MEST: variants seen among roughly 807,000 people sequenced by gnomAD.
MEST encodes the protein mesoderm specific transcript.
A neutral mutation model predicts 50.9 loss-of-function variants in MEST; 18 were observed. That is an observed-to-expected ratio of 0.35 (90% CI 0.24 to 0.52). The LOEUF (loss-of-function observed/expected upper bound fraction) is 0.52. Ranked by LOEUF, MEST falls within the 20% of genes least tolerant of loss-of-function variation. The probability of loss-of-function intolerance (pLI) is 0.94; values close to 1 mark genes in which losing one functional copy is unlikely to be tolerated. For missense variants in MEST, 282 were observed against 425.3 expected, an observed-to-expected ratio of 0.66 and a Z score of 2.96; for synonymous variants, 130 against 154.1, an observed-to-expected ratio of 0.84 and a Z score of 1.16.
At chr7:130,494,903 T>A (rs1798983282) in intron 1 of MEST, 1 of 909,736 alleles carries the variant, frequency 1.1e-6, no homozygotes, top group Non-Finnish European at 1.3e-6. Context: ...ACATATATAT[T>A]TTTTGAACAT....
chr7:130,500,344 C>G lies in MEST; in HGVS notation c.577-118C>G. On this transcript the variant is annotated intron_variant, in intron 7 of 11. Transcript: ENST00000223215. This position sits in a 1 kb window ranked among gnomAD's most constrained non-coding sequence, Gnocchi z 5.0. Reference sequence around the variant, plus strand: ...GTAGGCAAAACAAAATGCCAAGTACCAAACCATTCAGTAGCAGGAGATTTG... The same window carrying G: ...GTAGGCAAAACAAAATGCCAAGTACGAAACCATTCAGTAGCAGGAGATTTG... The G allele has an allele frequency of 2.4e-6, 2 of 850,672 alleles. No homozygotes were observed. The highest frequency in any genetic ancestry group is 3.7e-6 in the Non-Finnish European group (2 of 547,048). 52.7% of individuals were successfully genotyped at this position (850,672 alleles called of 1,614,324 possible).
chr7:130,494,899 A>T, intron 1 of MEST: 3 of 942,208 alleles, frequency 3.2e-6, no homozygotes, highest in Non-Finnish European at 3.8e-6. Flanking sequence ...TAGCACATAT[A>T]TATTTTTTGA....
At chr7:130,501,312 C>G (rs533796232) in intron 9 of MEST, among the ~76,000 whole-genome samples, 2 of 152,284 alleles carry the variant, frequency 1.3e-5, no homozygotes, top group African/African-American at 4.8e-5. Flanking sequence ...TGGGATAAGA[C>G]TCTGACTTCT....
Position 130,492,299 on chromosome 7 carries a change from T to C in MEST, c.-15T>C. 7.4e-7 allele frequency: 1 copy of C among 1,346,794 alleles called. No homozygotes were observed. Among genetic ancestry groups the C allele is most frequent in the Non-Finnish European group, 9.5e-7 (1 of 1,049,478 alleles). 83.4% of individuals were successfully genotyped at this position (1,346,794 alleles called of 1,614,324 possible). Reference sequence around the variant, plus strand: ...CTCTGCAACGCTGCGGCGGGCGGCATGGGATAACGCGGCCATGGTGCGCCG... The same window carrying C: ...CTCTGCAACGCTGCGGCGGGCGGCACGGGATAACGCGGCCATGGTGCGCCG... On this transcript the variant is annotated 5_prime_UTR_variant, in exon 1 of 12. The change abolishes an upstream ATG in the 5' untranslated region. Transcript: ENST00000223215. The surrounding 1 kb of genome is among the most constrained non-coding windows in gnomAD (Gnocchi z 7.6).
intron 9 of MEST, among the ~76,000 whole-genome samples, chr7:130,501,987 AAAAAAAAAAAAAG>A (rs1339882769): frequency 2.2e-5 from 1 of 45,642 alleles, no homozygotes; most frequent in Non-Finnish European, 7.9e-5. Flanking sequence ...ACTCCGTCTC[AAAAAAAAAAAAAG>A]AAAAAAAAAA....
chr7:130,495,219 A>G, intron 1 of MEST, 149 bp from the exon 2 acceptor site: 1 of 674,426 alleles, frequency 1.5e-6, no homozygotes. Flanking sequence ...GTTTGATTAT[A>G]GTCTCGGTCA....
intron 2 of MEST, chr7:130,495,778 GT>G (rs71178591): frequency 0.016 from 3,039 of 189,406 alleles, 14 homozygotes; most frequent in Middle Eastern, 0.034. Flanking sequence ...TCCAATATTA[GT>G]TTTTTTTTTT....
At chr7:130,499,045 T>C (rs1799178118) in intron 6 of MEST, among the ~76,000 whole-genome samples, 1 of 152,238 alleles carries the variant, frequency 6.6e-6, no homozygotes, top group Non-Finnish European at 1.5e-5. Context: ...AAGGATGTTA[T>C]TCAAGGACCT....
intron 6 of MEST, chr7:130,498,790 C>G: frequency 2.2e-6 from 1 of 444,490 alleles, no homozygotes; most frequent in East Asian, 4.5e-5. Flanking sequence ...AGTGGAGGAC[C>G]TAGTAACAGC....
In MEST at chr7:130,497,878, G is replaced by C; in HGVS notation, c.262-58G>C. On this transcript the variant is annotated intron_variant, in intron 3 of 11. Coordinates refer to ENST00000223215, the MANE Select transcript of MEST (RefSeq NM_002402.4). This position sits in a 1 kb window ranked among gnomAD's most constrained non-coding sequence, Gnocchi z 4.0. ...GGCTGAAGCTCCTGTGCAACTGTAG[G>C]TCTGGTGAAAGGGAGGGGCAGGAGC... is the stretch of plus-strand genomic sequence containing the variant. The C allele has an allele frequency of 8.6e-6, 13 of 1,507,670 alleles. No homozygotes were observed. Among genetic ancestry groups the C allele is most frequent in the Non-Finnish European group, 1.1e-5 (12 of 1,083,204 alleles). 93.4% of individuals were successfully genotyped at this position (1,507,670 alleles called of 1,614,324 possible).
rs782674285 is a variant in MEST, at chr7:130,498,148, C to T, written c.349C>T (p.His117Tyr). 6.2e-7 allele frequency: 1 copy of T among 1,614,022 alleles called. No homozygotes were observed. The highest frequency in any genetic ancestry group is 2.2e-5 in the East Asian group (1 of 44,890). The change falls in exon 5 of 12, where the codon CAC becomes TAC. Residue 117 changes from histidine (H) to tyrosine (Y), a missense_variant. Coordinates refer to ENST00000223215, the MANE Select transcript of MEST (RefSeq NM_002402.4). ...FGFSDKPRPH[H>Y]YSIFEQASIV... ...GCTTTCCTTTCCTCAGAGACCACAT[C>T]ACTATTCCATATTTGAGCAGGCCAG...
intron 6 of MEST, 100 bp from the exon 7 acceptor site, chr7:130,499,775 T>G: frequency 2.2e-6 from 2 of 921,326 alleles, no homozygotes; most frequent in South Asian, 3.4e-5. Flanking sequence ...GAGGATTGCT[T>G]GAGCTCGAGA....
rs782352391 is a variant in MEST at position 130,500,536 on chromosome 7, A to G, written c.647+4A>G. ...ACTTCTTTGTATTCTCTCGAGGGTA[A>G]GTGTCACTGTCAAAGATTGTGGCCT... On this transcript the variant is annotated splice_donor_region_variant and intron_variant, in intron 8 of 11. Transcript: ENST00000223215. The surrounding 1 kb of genome is among the most constrained non-coding windows in gnomAD (Gnocchi z 5.0). 2 of 1,612,158 alleles carry G rather than the reference A, an allele frequency of 1.2e-6. No homozygotes were observed. Among genetic ancestry groups the G allele is most frequent in the Non-Finnish European group, 8.5e-7 (1 of 1,179,008 alleles).
Position 130,495,420 on chromosome 7 carries a change from G to A in MEST, c.79G>A (p.Ala27Thr), listed in dbSNP as rs917044803. ...VGLLAVPLLA[A>T]YLHIPPPQLS... ...GCTGCTGGCCGTGCCCCTGCTTGCT[G>A]CGTACCTGCACATCCCACCCCCTCA... Residue 27 changes from alanine to threonine, a missense_variant, in exon 2 of 12, where the codon GCG (alanine) becomes ACG (threonine). Transcript: ENST00000223215. 5.0e-6 allele frequency: 8 copies of A among 1,613,846 alleles called. No homozygotes were observed. The highest frequency in any genetic ancestry group is 6.8e-6 in the Non-Finnish European group (8 of 1,179,874).
At position 130,495,390 on chromosome 7, in the gene MEST, G is replaced by A. The variant is rs1265394530; in HGVS notation, c.49G>A (p.Val17Met). 6.2e-7 allele frequency: 1 copy of A among 1,612,608 alleles called. No individual in the cohort carries two copies. Among genetic ancestry groups the A allele is most frequent in the Non-Finnish European group, 8.5e-7 (1 of 1,179,378 alleles). The change falls in exon 2 of 12, where the codon GTG (valine) becomes ATG (methionine). Residue 17 changes from valine (V) to methionine (M), a missense_variant. Coordinates refer to ENST00000223215, the MANE Select transcript of MEST (RefSeq NM_002402.4). ...LRRMREWWVQ[V>M]GLLAVPLLAA... is the part of the protein sequence containing the mutation. ...CAGGATGAGGGAGTGGTGGGTCCAG[G>A]TGGGGCTGCTGGCCGTGCCCCTGCT...
At position 130,504,945 on chromosome 7, in the gene MEST, G is replaced by A. The variant is rs782432630; in HGVS notation, c.897G>A (p.Thr299=). The A allele has an allele frequency of 5.0e-6, 8 of 1,613,374 alleles. No homozygotes were observed. In the African/African-American group the frequency reaches 5.3e-5, roughly 11 times the overall value. ...TGCTGTTCTCTTCCACTAGGAAAAC[G>A]CTGCCGCGGTCCACAGTGTCGATTC... ...YPEFLELYRK[T]LPRSTVSILD... is the part of the protein sequence containing the mutation. The change falls in exon 12 of 12, where the codon ACG becomes ACA. Residue 299 remains threonine (T), a synonymous_variant. Coordinates refer to ENST00000223215, the MANE Select transcript of MEST (RefSeq NM_002402.4).
In MEST at chr7:130,492,227, C is replaced by G. The variant is rs1184009818; in HGVS notation, c.-87C>G. On this transcript the variant is annotated 5_prime_UTR_variant, in exon 1 of 12. Transcript: ENST00000223215. This position sits in a 1 kb window ranked among gnomAD's most constrained non-coding sequence, Gnocchi z 7.6. ...GGCTGTGGGCTGCGGGCTGCGCCCC[C>G]GCTGCTGGCCAGCTCTGCACGGCTG... 2 of 1,161,102 alleles carry G rather than the reference C, an allele frequency of 1.7e-6. No homozygotes were observed. The highest frequency in any genetic ancestry group is 3.4e-5 in the East Asian group (1 of 29,418). The allele number at this position is 1,161,102 out of a possible 1,614,324, so 71.9% of individuals were successfully genotyped here.
intron 9 of MEST, 30 bp from the exon 10 acceptor site, chr7:130,502,614 T>C (rs1799315972): frequency 6.4e-7 from 1 of 1,564,626 alleles, no homozygotes; most frequent in Non-Finnish European, 8.8e-7. Context: ...GGTTTCTTGT[T>C]CTGCACATGC....
intron 2 of MEST, chr7:130,496,273 A>G (rs1357577539): frequency 7.1e-6 from 3 of 422,230 alleles, no homozygotes; most frequent in African/African-American, 6.4e-5. Flanking sequence ...TTAGAAAACT[A>G]ATGTTGAAGT....
Sources: allele counts gnomAD v4.1 joint callset (sites outside exome capture counted in the v4.1 genomes callset), GRCh38; gene constraint gnomAD v4.1.1; non-coding constraint Gnocchi (gnomAD v3.1); transcripts MANE v1.5; gene names NCBI Gene and HGNC (gene_info 2026-07-23, HGNC 2026-07-21).